VAV3: variants seen among roughly 807,000 people sequenced by gnomAD.
VAV3 encodes vav guanine nucleotide exchange factor 3, also known as guanine nucleotide exchange factor VAV3.
VAV3 carries 94 observed loss-of-function variants against 131.2 expected under a neutral mutation model. The observed-to-expected ratio is 0.72, with a 90% CI of 0.61 to 0.85. The LOEUF (loss-of-function observed/expected upper bound fraction) is 0.85, where lower values mean the gene tolerates loss of function less well. Ranked by LOEUF, VAV3 falls within the 40% of genes least tolerant of loss-of-function variation. The pLI, the probability that VAV3 is intolerant of heterozygous loss-of-function variation, is 0.00. For missense variants in VAV3, 939 were observed against 1,002.7 expected (o/e 0.94, Z 0.86); for synonymous variants, 349 against 342.0 (o/e 1.02, Z -0.22).
At chr1:107,749,678 G>A in intron 13 of VAV3, 84 bp from the exon 14 acceptor site, 2 of 1,484,160 alleles carry the variant, frequency 1.3e-6, no homozygotes, top group Non-Finnish European at 1.8e-6. Context: ...GCAACCAAAT[G>A]TTTTTTTCTT....
At chr1:107,932,006 C>G (rs902150868) in intron 1 of VAV3, among the ~76,000 whole-genome samples, 1 of 152,154 alleles carries the variant, frequency 6.6e-6, no homozygotes, top group African/African-American at 2.4e-5. Context: ...TATGGCCAAC[C>G]AGCATAGCAC....
At chr1:107,709,331 T>C (rs1025275718) in intron 15 of VAV3, among the ~76,000 whole-genome samples, 3 of 152,184 alleles carry the variant, frequency 2.0e-5, no homozygotes, top group Admixed American at 6.5e-5. Context: ...AAAAATATGC[T>C]TTTACTGTAG....
Position 107,749,047 on chromosome 1 carries a change from G to C in VAV3, c.1423C>G (p.Gln475Glu). The C allele has an allele frequency of 6.2e-7, 1 of 1,611,492 alleles. No homozygotes were observed. The highest frequency in any genetic ancestry group is 8.5e-7 in the Non-Finnish European group (1 of 1,178,880). Reference sequence around the variant, plus strand: ...TAAAATTCTAACCCATTTTGTCCTTGGGTATGGATGAGGTAGAAGCCATAA... The same window carrying C: ...TAAAATTCTAACCCATTTTGTCCTTCGGTATGGATGAGGTAGAAGCCATAA... Reference protein sequence around the residue: ...WSYGFYLIHTQGQNGLEFYCK... With the variant: ...WSYGFYLIHTEGQNGLEFYCK... Residue 475 changes from glutamine (Q) to glutamate (E), a missense_variant, in exon 15 of 27, where the codon CAA becomes GAA. Transcript: ENST00000370056.
At chr1:107,888,906 C>T (rs1671172380) in intron 1 of VAV3, among the ~76,000 whole-genome samples, 2 of 152,136 alleles carry the variant, frequency 1.3e-5, no homozygotes, top group Admixed American at 6.5e-5. Context: ...AGCATCATCT[C>T]CAAATTTTAC....
At position 107,642,660 on chromosome 1, in the gene VAV3, C is replaced by A; in HGVS notation, c.1873G>T (p.Val625Phe). ...TGTGCATCTCCTTTCAGAAGTTCAA[C>A]GGTATCCCCGGCCTGGAGCTGTAAA... ...PPLQLQAGDTVELLKGDAHSL... is the reference protein window; with the variant it reads ...PPLQLQAGDTFELLKGDAHSL... Residue 625 changes from valine to phenylalanine, a missense_variant, in exon 20 of 27, where the codon GTT becomes TTT. Transcript: ENST00000370056. The A allele has an allele frequency of 6.2e-7, 1 of 1,613,206 alleles. No individual in the cohort carries two copies. Among genetic ancestry groups the A allele is most frequent in the Non-Finnish European group, 8.5e-7 (1 of 1,179,582 alleles).
At chr1:107,903,007 C>T (rs1671940293) in intron 1 of VAV3, among the ~76,000 whole-genome samples, 1 of 152,032 alleles carries the variant, frequency 6.6e-6, no homozygotes, top group Non-Finnish European at 1.5e-5. Context: ...ATGAGATAAT[C>T]TGCTAGTGTG....
rs117105203 is a variant in VAV3, at chr1:107,952,004, T to G, written c.204+12662A>C. 2.4e-3 allele frequency among the ~76,000 whole-genome samples: 358 copies of G among 152,230 alleles called. 6 individuals are homozygous for G. In the East Asian group the frequency reaches 0.058, roughly 24 times the overall value. On this transcript the variant is annotated intron_variant, in intron 1 of 26. Coordinates refer to ENST00000370056, the MANE Select transcript of VAV3 (RefSeq NM_006113.5). Reference sequence around the variant, plus strand: ...CAAAGGAATATAAACTGTTCTAGTATAAAGACACACGTACACATATGTTCA... The same window carrying G: ...CAAAGGAATATAAACTGTTCTAGTAGAAAGACACACGTACACATATGTTCA...
intron 2 of VAV3, among the ~76,000 whole-genome samples, chr1:107,804,210 T>G (rs540517074): frequency 6.6e-6 from 1 of 152,274 alleles, no homozygotes; most frequent in South Asian, 2.1e-4. Context: ...CTATGTCTTT[T>G]AATTGGAGAA....
chr1:107,658,397 T>C (rs943832662), intron 19 of VAV3, among the ~76,000 whole-genome samples: 7 of 152,212 alleles, frequency 4.6e-5, no homozygotes, highest in African/African-American at 1.4e-4. Context: ...TGAATAGTGC[T>C]GCAATAAACA....
At chr1:107,689,744 T>G (rs1456742368) in intron 17 of VAV3, among the ~76,000 whole-genome samples, 1 of 152,184 alleles carries the variant, frequency 6.6e-6, no homozygotes, top group Non-Finnish European at 1.5e-5. Flanking sequence ...CTTCATTTCT[T>G]CTTTTCCTCC....
intron 2 of VAV3, among the ~76,000 whole-genome samples, chr1:107,874,430 C>T (rs568776482): frequency 6.6e-6 from 1 of 152,124 alleles, no homozygotes; most frequent in East Asian, 1.9e-4. Flanking sequence ...GTCACCCAAC[C>T]AAGTATCAAA....
intron 1 of VAV3, among the ~76,000 whole-genome samples, chr1:107,889,943 G>A (rs1332252052): frequency 6.6e-6 from 1 of 152,184 alleles, no homozygotes; most frequent in Non-Finnish European, 1.5e-5. Context: ...GCATCTGGCT[G>A]TGGAAATTAA....
chr1:107,837,021 CAA>C (rs1222159471), intron 2 of VAV3, among the ~76,000 whole-genome samples: 1 of 151,698 alleles, frequency 6.6e-6, no homozygotes, highest in African/African-American at 2.4e-5. Flanking sequence ...CCCAAAAAAT[CAA>C]AGAGGAAGGA....
chr1:107,809,989 C>T (rs949717968), intron 2 of VAV3, among the ~76,000 whole-genome samples: 1 of 152,146 alleles, frequency 6.6e-6, no homozygotes, highest in Non-Finnish European at 1.5e-5. Flanking sequence ...AAAAACAACA[C>T]ATTTTCAGTT....
chr1:107,804,213 T>C (rs1359721860), intron 2 of VAV3, among the ~76,000 whole-genome samples: 1 of 152,164 alleles, frequency 6.6e-6, no homozygotes, highest in African/African-American at 2.4e-5. Context: ...TGTCTTTTAA[T>C]TGGAGAACTG....
chr1:107,653,087 T>C (rs1030148684), intron 19 of VAV3, among the ~76,000 whole-genome samples: 3 of 151,768 alleles, frequency 2.0e-5, no homozygotes, highest in Non-Finnish European at 4.4e-5. Context: ...GTAGAGAGCA[T>C]ATTCAGATGC....
At chr1:107,739,694 T>C (rs1662892896) in intron 15 of VAV3, among the ~76,000 whole-genome samples, 1 of 152,170 alleles carries the variant, frequency 6.6e-6, no homozygotes, top group Non-Finnish European at 1.5e-5. Context: ...ATACAGACAG[T>C]TTATAGACAT....
chr1:107,751,971 G>C (rs1663754900), intron 12 of VAV3, among the ~76,000 whole-genome samples: 1 of 152,114 alleles, frequency 6.6e-6, no homozygotes, highest in South Asian at 2.1e-4. Context: ...GATGTTTTCT[G>C]CACAAATAGA....
At position 107,763,742 on chromosome 1, in the gene VAV3, T is replaced by C. The variant is rs1206870655; in HGVS notation, c.921+1334A>G. 2.6e-5 allele frequency among the ~76,000 whole-genome samples: 4 copies of C among 152,204 alleles called. No homozygotes were observed. In the East Asian group the frequency reaches 7.7e-4, roughly 29 times the overall value. On this transcript the variant is annotated intron_variant, in intron 9 of 26. Transcript: ENST00000370056. ...TCACGTATCTAGTACAGTTACTTGG[T>C]GGCCTGTTAACGTGCAAACTGTCTA...
Sources: allele counts gnomAD v4.1 joint callset (sites outside exome capture counted in the v4.1 genomes callset), GRCh38; gene constraint gnomAD v4.1.1; transcripts MANE v1.5; gene names NCBI Gene and HGNC (gene_info 2026-07-23, HGNC 2026-07-21).